LILRA4: variants seen among roughly 807,000 people sequenced by gnomAD.
The protein encoded by LILRA4 is leukocyte immunoglobulin-like receptor subfamily A member 4.
In LILRA4, 51 loss-of-function variants were observed where a neutral mutation model predicts 49.5. The observed-to-expected ratio is 1.03, with a 90% CI of 0.82 to 1.30. The LOEUF is 1.30. Ranked by LOEUF, LILRA4 falls within the 50% of genes most tolerant of loss-of-function variation. The pLI is 0.00. For synonymous variants in LILRA4, 272 were observed against 265.6 expected (o/e 1.02, Z -0.23); for missense variants, 624 against 625.6 (o/e 1.00, Z 0.03).
intron 7 of LILRA4, 57 bp from the exon 8 acceptor site, chr19:54,333,822 A>T (rs1180016476): frequency 1.2e-6 from 2 of 1,611,222 alleles, no homozygotes; most frequent in South Asian, 1.1e-5. Context: ...ATTACCAAAG[A>T]CCCCTGGATG....
At chr19:54,334,242 G>C (rs535159288) in intron 6 of LILRA4, 15 of 459,212 alleles carry the variant, frequency 3.3e-5, no homozygotes, top group Non-Finnish European at 5.4e-5. Flanking sequence ...CAACTAGAAA[G>C]AATTGAGCTC....
Position 54,333,609 on chromosome 19 carries a change from G to A in LILRA4, c.1463C>T (p.Ala488Val), listed in dbSNP as rs776706834. Residue 488 changes from alanine (A) to valine (V), a missense_variant, in exon 8 of 8, where the codon GCA (alanine) becomes GTA (valine). By Grantham distance (64) the Ala-to-Val change is moderately conservative. Coordinates refer to ENST00000291759, the MANE Select transcript of LILRA4 (RefSeq NM_012276.5). ...SQEANSRKDN[A>V]PFRVVEPWEQ... ...CCAAGGCTCCACCACTCTGAAGGGT[G>A]CATTGTCCTTTCTGCTGTTTGCCTC... is the stretch of plus-strand genomic sequence containing the variant. 1 of 1,614,140 alleles carries A rather than the reference G, an allele frequency of 6.2e-7. No homozygotes were observed.
At chr19:54,338,991 T>TAAGG in intron 1 of LILRA4, 69 bp downstream of exon 1, 2 of 1,612,388 alleles carry the variant, frequency 1.2e-6, no homozygotes, top group African/African-American at 2.7e-5. Context: ...CCTAATTGAC[T>TAAGG]AAGGCATGGC....
In LILRA4 at chr19:54,333,334, G is replaced by A. The variant is rs1039257304; in HGVS notation, c.*238C>T. 1.7e-5 allele frequency: 10 copies of A among 574,648 alleles called. No individual in the cohort carries two copies. In the Middle Eastern group the frequency reaches 1.2e-3, roughly 69 times the overall value. The allele number at this position is 574,648 out of a possible 1,614,324, so 35.6% of individuals were successfully genotyped here. On this transcript the variant is annotated 3_prime_UTR_variant, in exon 8 of 8. Coordinates refer to ENST00000291759, the MANE Select transcript of LILRA4 (RefSeq NM_012276.5). ...GTGGAGCAGAGCATGAGGTCACAGAGGGGCGGACCCAAACCCACCATAGGG... is the reference window on the plus strand; with the variant it reads ...GTGGAGCAGAGCATGAGGTCACAGAAGGGCGGACCCAAACCCACCATAGGG...
At chr19:54,335,386 G>T (rs2081312990) in intron 6 of LILRA4, 3 of 153,104 alleles carry the variant, frequency 2.0e-5, no homozygotes, top group South Asian at 3.6e-4. Flanking sequence ...CTTCTGCCAT[G>T]ATTGTAAGTT....
chr19:54,337,170 G>A (rs765353011), intron 5 of LILRA4, 27 bp from the exon 6 acceptor site: 2 of 1,593,892 alleles, frequency 1.3e-6, no homozygotes, highest in South Asian at 1.1e-5. Context: ...CGGGTGAGGG[G>A]CTGCCCCACC....
chr19:54,336,808 T>C (rs2081327562), intron 6 of LILRA4, 33 bp downstream of exon 6: 1 of 1,610,408 alleles, frequency 6.2e-7, no homozygotes, highest in Admixed American at 1.7e-5. Flanking sequence ...AGAACCCCTT[T>C]GAGCTCAGAG....
chr19:54,338,378 C>T lies in LILRA4; in HGVS notation c.355+18G>A, dbSNP rs199591743. ...CGAGGGCAGAGCCTGGGGCTGGGACCCCTGAGTGTCCTCTCACCTGTCACC... is the reference window on the plus strand; with the variant it reads ...CGAGGGCAGAGCCTGGGGCTGGGACTCCTGAGTGTCCTCTCACCTGTCACC... On this transcript the variant is annotated intron_variant, in intron 3 of 7. Coordinates refer to ENST00000291759, the MANE Select transcript of LILRA4 (RefSeq NM_012276.5). The T allele has an allele frequency of 2.5e-6, 4 of 1,613,512 alleles. No individual in the cohort carries two copies. Among genetic ancestry groups the T allele is most frequent in the East Asian group, 2.2e-5 (1 of 44,858 alleles).
At position 54,337,437 on chromosome 19, in the gene LILRA4, C is replaced by T. The variant is rs529229789; in HGVS notation, c.915G>A (p.Trp305Ter). 1 of 1,611,806 alleles carries T rather than the reference C, an allele frequency of 6.2e-7. No individual in the cohort carries two copies. Among genetic ancestry groups the T allele is most frequent in the South Asian group, 1.1e-5 (1 of 90,998 alleles). The change falls in exon 5 of 8, where the codon TGG becomes TGA. Residue 305 changes from tryptophan to a stop codon, truncating the protein, a stop_gained. Transcript: ENST00000291759. LOFTEE classifies it high-confidence loss of function. Reference sequence around the variant, plus strand: ...TATCCAGGGGGTCACTGGGGGCCGACCACTCGGAGGAGACGTTGTGTGCGC... The same window carrying T: ...TATCCAGGGGGTCACTGGGGGCCGATCACTCGGAGGAGACGTTGTGTGCGC... Reference protein sequence around the residue: ...CYGAHNVSSEWSAPSDPLDIL... With the variant: ...CYGAHNVSSE
chr19:54,337,434 C>T lies in LILRA4; in HGVS notation c.918G>A (p.Ser306=), dbSNP rs564556494. 44 of 1,611,738 alleles carry T rather than the reference C, an allele frequency of 2.7e-5. No homozygotes were observed. The highest frequency in any genetic ancestry group is 2.0e-4 in the Admixed American group (12 of 60,010). ...GGATATCCAGGGGGTCACTGGGGGC[C>T]GACCACTCGGAGGAGACGTTGTGTG... The part of the protein sequence containing the change: ...YGAHNVSSEW[S]APSDPLDILI... Residue 306 remains serine, a synonymous_variant, in exon 5 of 8, where the codon TCG becomes TCA. Transcript: ENST00000291759.
chr19:54,336,680 G>T, intron 6 of LILRA4, 161 bp downstream of exon 6: 1 of 1,117,794 alleles, frequency 8.9e-7, no homozygotes, highest in Non-Finnish European at 1.3e-6. Context: ...TGGGGGCAGG[G>T]CCTGAGCTGA....
chr19:54,336,644 T>C lies in LILRA4; in HGVS notation c.1255+197A>G, dbSNP rs911406327. On this transcript the variant is annotated intron_variant, in intron 6 of 7. Coordinates refer to ENST00000291759, the MANE Select transcript of LILRA4 (RefSeq NM_012276.5). The stretch of plus-strand genomic sequence containing the variant: ...TGTGGACCCTCCCCCTTCACTGTCC[T>C]GTTTTCTTAGTGTCCTGAACTCTCC... The C allele has an allele frequency of 1.2e-5, 10 of 857,146 alleles. No homozygotes were observed. The Admixed American group carries it at 1.2e-4, about 10-fold the overall frequency. The allele number at this position is 857,146 out of a possible 1,614,324, so 53.1% of individuals were successfully genotyped here.
At chr19:54,337,782 G>A in intron 4 of LILRA4, 86 bp from the exon 5 acceptor site, 1 of 1,488,104 alleles carries the variant, frequency 6.7e-7, no homozygotes, top group East Asian at 2.3e-5. Flanking sequence ...AGGGTTTCCA[G>A]CGTCCTTGTT....
Position 54,337,104 on chromosome 19 carries a change from C to A in LILRA4, c.992G>T (p.Gly331Val). 6.2e-7 allele frequency: 1 copy of A among 1,613,892 alleles called. No homozygotes were observed. The highest frequency in any genetic ancestry group is 8.5e-7 in the Non-Finnish European group (1 of 1,179,882). The change falls in exon 6 of 8, where the codon GGC (glycine) becomes GTC (valine). Residue 331 changes from glycine to valine, a missense_variant. Physicochemically the swap from Gly to Val is moderately radical, Grantham distance 109. Coordinates refer to ENST00000291759, the MANE Select transcript of LILRA4 (RefSeq NM_012276.5). The stretch of plus-strand genomic sequence containing the variant: ...CTTCTCTCCTGAGGTCACCGTGGGG[C>A]CCGGCTGCACTGAGAGGGAGGGTCT... ...SDRPSLSVQP[G>V]PTVTSGEKVT... is the part of the protein sequence containing the mutation.
In LILRA4 at chr19:54,336,907, C is replaced by T. The variant is rs142697594; in HGVS notation, c.1189G>A (p.Gly397Ser). The T allele has an allele frequency of 1.2e-3, 2,007 of 1,614,116 alleles. No homozygotes were observed. Among genetic ancestry groups the T allele is most frequent in the South Asian group, 4.8e-3 (437 of 91,088 alleles). The change falls in exon 6 of 8, where the codon GGC becomes AGC. Residue 397 changes from glycine to serine, a missense_variant. Transcript: ENST00000291759. ...AGGTAGGGGTTGGAGCTGCGTGAGCCGTAGCACCTGTAGGTCCCCGCGTGG... is the reference window on the plus strand; with the variant it reads ...AGGTAGGGGTTGGAGCTGCGTGAGCTGTAGCACCTGTAGGTCCCCGCGTGG... Reference protein sequence around the residue: ...SAHAGTYRCYGSRSSNPYLLS... With the variant: ...SAHAGTYRCYSSRSSNPYLLS...
At position 54,333,498 on chromosome 19, in the gene LILRA4, G is replaced by T; in HGVS notation, c.*74C>A. 1 of 1,450,904 alleles carries T rather than the reference G, an allele frequency of 6.9e-7. No individual in the cohort carries two copies. The highest frequency in any genetic ancestry group is 9.6e-7 in the Non-Finnish European group (1 of 1,039,292). The allele number at this position is 1,450,904 out of a possible 1,614,324, so 89.9% of individuals were successfully genotyped here. ...AGACATCTTCCTGCACCTGACCCAT[G>T]CTTCTTCCCCTTGATATTCTCAGCA... On this transcript the variant is annotated 3_prime_UTR_variant, in exon 8 of 8. Coordinates refer to ENST00000291759, the MANE Select transcript of LILRA4 (RefSeq NM_012276.5).
chr19:54,333,397 G>T lies in LILRA4; in HGVS notation c.*175C>A. Reference sequence around the variant, plus strand: ...ATCATAGGGAAGAAAAACGAAGGAAGGGGCAGTCAAGGAGAGTCGACAATG... The same window carrying T: ...ATCATAGGGAAGAAAAACGAAGGAATGGGCAGTCAAGGAGAGTCGACAATG... On this transcript the variant is annotated 3_prime_UTR_variant, in exon 8 of 8. Coordinates refer to ENST00000291759, the MANE Select transcript of LILRA4 (RefSeq NM_012276.5). The T allele has an allele frequency of 1.5e-6, 1 of 665,096 alleles. No individual in the cohort carries two copies. Among genetic ancestry groups the T allele is most frequent in the Non-Finnish European group, 2.5e-6 (1 of 395,808 alleles). 41.2% of individuals were successfully genotyped at this position (665,096 alleles called of 1,614,324 possible). A position where few individuals can be genotyped will look rare whatever the true frequency, so the allele number is the denominator to read the frequency against.
intron 6 of LILRA4, chr19:54,334,800 AC>A (rs1159027425): frequency 1.7e-5 from 2 of 117,580 alleles, no homozygotes; most frequent in African/African-American, 7.3e-5. Context: ...CCCCATCTCT[AC>A]TAAAAATACA....
chr19:54,333,529 T>C lies in LILRA4; in HGVS notation c.*43A>G. The C allele has an allele frequency of 6.3e-7, 1 of 1,590,786 alleles. No individual in the cohort carries two copies. The highest frequency in any genetic ancestry group is 1.3e-5 in the African/African-American group (1 of 74,254). On this transcript the variant is annotated 3_prime_UTR_variant, in exon 8 of 8. Coordinates refer to ENST00000291759, the MANE Select transcript of LILRA4 (RefSeq NM_012276.5). ...TCCCCTTGATATTCTCAGCAGACACTTCCCCAACTGCTGCCCCAGTCTTCC... is the reference window on the plus strand; with the variant it reads ...TCCCCTTGATATTCTCAGCAGACACCTCCCCAACTGCTGCCCCAGTCTTCC...
Sources: allele counts gnomAD v4.1 joint callset, GRCh38; gene constraint gnomAD v4.1.1; transcripts MANE v1.5; gene names NCBI Gene and HGNC (gene_info 2026-07-23, HGNC 2026-07-21).